The following KIDINS220 variants were observed in gnomAD, a reference collection of about 807,000 sequenced individuals.
KIDINS220 encodes the protein kinase D interacting substrate 220, also known as kinase D-interacting substrate of 220 kDa.
Under a neutral mutation model 157.6 loss-of-function variants are expected in KIDINS220, and 63 were observed. That is an observed-to-expected ratio of 0.40 (90% confidence interval 0.33 to 0.49). The LOEUF is 0.49. Among genes scored for constraint, KIDINS220 ranks in the 20% least tolerant of loss-of-function variants. The pLI is 0.66. For missense variants in KIDINS220, 1,772 were observed against 2,171.2 expected (o/e 0.82, Z 3.65); for synonymous variants, 732 against 783.6 (o/e 0.93, Z 1.10).
intron 21 of KIDINS220, among the ~76,000 whole-genome samples, chr2:8,776,215 C>T (rs535463252): frequency 8.5e-5 from 13 of 152,130 alleles, no homozygotes; most frequent in Admixed American, 5.9e-4. Flanking sequence ...TTACAAAGTA[C>T]CAACCAATAC....
chr2:8,768,123 C>T (rs935748939), intron 22 of KIDINS220, among the ~76,000 whole-genome samples: 2 of 152,088 alleles, frequency 1.3e-5, no homozygotes, highest in Admixed American at 6.5e-5. Context: ...TATCATTCTG[C>T]TTTAAATGCC....
intron 17 of KIDINS220, among the ~76,000 whole-genome samples, chr2:8,780,756 CAAAAAAAACAGTTT>C (rs1671605278): frequency 6.8e-6 from 1 of 147,040 alleles, no homozygotes; most frequent in Non-Finnish European, 1.5e-5. Flanking sequence ...GGCAACCACT[CAAAAAAAACAGTTT>C]AAAAAAAAGT....
chr2:8,745,737 T>C lies in KIDINS220; in HGVS notation c.3585+1408A>G, dbSNP rs13424893. 4.6e-3 allele frequency among the ~76,000 whole-genome samples: 705 copies of C among 152,270 alleles called. 1 individual carries two copies. Among genetic ancestry groups the C allele is most frequent in the Non-Finnish European group, 7.3e-3 (499 of 68,018 alleles). ...TCGCTTGAAACCAGAAGGCTGAGGTTGCAGTGAGCTGAGATGGCATCACTG... is the reference window on the plus strand; with the variant it reads ...TCGCTTGAAACCAGAAGGCTGAGGTCGCAGTGAGCTGAGATGGCATCACTG... On this transcript the variant is annotated intron_variant, in intron 26 of 29. Transcript: ENST00000256707.
At chr2:8,741,676 T>C (rs572779435) in intron 26 of KIDINS220, among the ~76,000 whole-genome samples, 3 of 152,354 alleles carry the variant, frequency 2.0e-5, no homozygotes, top group South Asian at 4.1e-4. Flanking sequence ...AACTGTACTC[T>C]AGGATTTCAT....
intron 1 of KIDINS220, among the ~76,000 whole-genome samples, chr2:8,830,768 C>G (rs1457133401): frequency 1.3e-5 from 2 of 152,102 alleles, no homozygotes; most frequent in Non-Finnish European, 2.9e-5. Flanking sequence ...TCTTTGTTCC[C>G]AGATCCAACA....
intron 22 of KIDINS220, among the ~76,000 whole-genome samples, chr2:8,755,064 A>T (rs905050120): frequency 8.5e-5 from 13 of 152,386 alleles, no homozygotes; most frequent in Admixed American, 7.2e-4. Context: ...GACAGACAGA[A>T]CACACAGACA....
Position 8,785,891 on chromosome 2 carries a change from G to A in KIDINS220, c.2079C>T (p.Leu693=). 1 of 1,614,044 alleles carries A rather than the reference G, an allele frequency of 6.2e-7. No homozygotes were observed. Among genetic ancestry groups the A allele is most frequent in the Non-Finnish European group, 8.5e-7 (1 of 1,179,958 alleles). ...ATCCCACTACAGATGCGATTGATATGAGGACAGCATTTACAGTCAGATGCT... is the reference window on the plus strand; with the variant it reads ...ATCCCACTACAGATGCGATTGATATAAGGACAGCATTTACAGTCAGATGCT... ...DPKHLTVNAV[L]ISIASVVGLA... Residue 693 remains leucine, a synonymous_variant, in exon 17 of 30, where the codon CTC becomes CTT. Coordinates refer to ENST00000256707, the MANE Select transcript of KIDINS220 (RefSeq NM_020738.4).
At chr2:8,735,472 G>T (rs1282156748) in intron 27 of KIDINS220, among the ~76,000 whole-genome samples, 1 of 152,118 alleles carries the variant, frequency 6.6e-6, no homozygotes, top group African/African-American at 2.4e-5. Flanking sequence ...GCGGGAGGTT[G>T]CAGTGAGCCA....
intron 6 of KIDINS220, among the ~76,000 whole-genome samples, chr2:8,810,275 T>C (rs1011448969): frequency 2.0e-5 from 3 of 152,208 alleles, no homozygotes; most frequent in African/African-American, 7.2e-5. Context: ...CCTGCTTCTC[T>C]AAACAGAGAT....
intron 2 of KIDINS220, among the ~76,000 whole-genome samples, chr2:8,826,196 T>C (rs371614861): frequency 5.6e-4 from 86 of 152,408 alleles, no homozygotes; most frequent in African/African-American, 1.9e-3. Flanking sequence ...TAATGTTTAT[T>C]AGTGTGTTAC....
chr2:8,780,506 ATGTGTGTGTGTGTCTG>A (rs1285728938), intron 17 of KIDINS220, among the ~76,000 whole-genome samples: 8 of 98,960 alleles, frequency 8.1e-5, no homozygotes, highest in African/African-American at 3.4e-4. Context: ...AAGCTTATAT[ATGTGTGTGTGTGTCTG>A]TGTGTGTGTG....
At chr2:8,788,298 C>T (rs992402498) in intron 15 of KIDINS220, among the ~76,000 whole-genome samples, 2 of 149,344 alleles carry the variant, frequency 1.3e-5, no homozygotes, top group African/African-American at 2.5e-5. Context: ...GACAGAGTTT[C>T]GTTCTTGTCG....
At chr2:8,726,401 C>T (rs79534694), downstream of KIDINS220, among the ~76,000 whole-genome samples, 19 of 152,334 alleles carry the variant, frequency 1.2e-4, no homozygotes, top group East Asian at 3.7e-3. Flanking sequence ...AAGGTTTTGA[C>T]CAGGTCGGTG....
In KIDINS220 at chr2:8,800,443, C is replaced by A. The variant is rs373394276; in HGVS notation, c.857G>T (p.Arg286Leu). 4 of 1,613,320 alleles carry A rather than the reference C, an allele frequency of 2.5e-6. No homozygotes were observed. The highest frequency in any genetic ancestry group is 3.4e-6 in the Non-Finnish European group (4 of 1,179,800). ...ATCAGCATATTTTTGGAGAAGCGCT[C>A]GAACAATTTCAACATGACCACCTCT... is the stretch of plus-strand genomic sequence containing the variant. Reference protein sequence around the residue: ...AVRGGHVEIVRALLQKYADID... With the variant: ...AVRGGHVEIVLALLQKYADID... Residue 286 changes from arginine to leucine, a missense_variant, in exon 9 of 30, where the codon CGA becomes CTA. Physicochemically the swap from Arg to Leu is moderately radical, Grantham distance 102. Transcript: ENST00000256707.
chr2:8,766,097 C>T (rs1480174887), intron 22 of KIDINS220, among the ~76,000 whole-genome samples: 4 of 152,096 alleles, frequency 2.6e-5, no homozygotes, highest in Non-Finnish European at 5.9e-5. Flanking sequence ...GACCCTGCAA[C>T]GAATCCCCAT....
At chr2:8,796,924 T>A (rs1022471080) in intron 10 of KIDINS220, 55 bp from the exon 11 acceptor site, 18 of 1,250,766 alleles carry the variant, frequency 1.4e-5, no homozygotes, top group Non-Finnish European at 2.1e-5. Flanking sequence ...CCTGTGTTTA[T>A]GTCATACAAA....
chr2:8,757,190 AG>A, intron 22 of KIDINS220: 2 of 875,916 alleles, frequency 2.3e-6, no homozygotes, highest in Middle Eastern at 5.8e-4. Flanking sequence ...TTCAAAAAAT[AG>A]GGTTTGTTTT....
At chr2:8,780,305 T>G (rs1364268591) in intron 17 of KIDINS220, among the ~76,000 whole-genome samples, 1 of 152,226 alleles carries the variant, frequency 6.6e-6, no homozygotes, top group African/African-American at 2.4e-5. Flanking sequence ...TAGACAGTAG[T>G]TGCTAACTCT....
Position 8,806,305 on chromosome 2 carries a change from A to C in KIDINS220, c.569T>G (p.Leu190Trp). The C allele has an allele frequency of 6.2e-7, 1 of 1,611,398 alleles. No homozygotes were observed. The highest frequency in any genetic ancestry group is 2.2e-5 in the East Asian group (1 of 44,778). ...KGHLECVKHL[L>W]AMGADVDQEG... ...TTGATCCACATCAGCTCCCATGGCC[A>C]ATAAATGTTTCACACATTCCAAATG... The change falls in exon 7 of 30, where the codon TTG becomes TGG. Residue 190 changes from leucine to tryptophan, a missense_variant. Around this residue, in one of 3 missense-constraint regions of KIDINS220, gnomAD observed 254 missense variants for 268.6 expected, o/e 0.95. Transcript: ENST00000256707.
Sources: allele counts gnomAD v4.1 joint callset (sites outside exome capture counted in the v4.1 genomes callset), GRCh38; gene constraint gnomAD v4.1.1; regional missense constraint gnomAD v4.1.1; transcripts MANE v1.5; gene names NCBI Gene and HGNC (gene_info 2026-07-23, HGNC 2026-07-21).